The following PRELID2 variants were observed in gnomAD, a reference collection of about 807,000 sequenced individuals.
The protein encoded by PRELID2 is PRELI domain-containing protein 2.
Under a neutral mutation model 28.4 loss-of-function variants are expected in PRELID2, and 25 were observed. That is an observed-to-expected ratio of 0.88 (90% CI 0.64 to 1.23). The LOEUF (loss-of-function observed/expected upper bound fraction) is 1.23. Ranked by LOEUF, PRELID2 falls within the 50% of genes most tolerant of loss-of-function variation. PRELID2 has a pLI of 0.00. For missense variants in PRELID2, 201 were observed against 214.4 expected (o/e 0.94, Z 0.39); for synonymous variants, 76 against 71.6 (o/e 1.06, Z -0.31).
At chr5:145,392,521 C>T in the PRELID2 span, among the ~76,000 whole-genome samples, 1 of 152,232 alleles carries the variant, frequency 6.6e-6, no homozygotes, top group East Asian at 1.9e-4. Context: ...CACCTGGACA[C>T]AGAGAGCGTA....
chr5:145,456,628 A>T, the PRELID2 span, among the ~76,000 whole-genome samples: 3 of 152,298 alleles, frequency 2.0e-5, no homozygotes, highest in South Asian at 2.1e-4. Context: ...CTTGTTTATC[A>T]TATGTCTACC....
chr5:145,477,872 G>A (rs541585997), intron 1 of PRELID2, among the ~76,000 whole-genome samples: 2 of 152,146 alleles, frequency 1.3e-5, no homozygotes, highest in Admixed American at 6.6e-5. Flanking sequence ...AAGGAAAAGA[G>A]GAGGAAGAGG....
rs1285106487 is a variant in PRELID2, at chr5:145,539,707, TAATA to T, written n.71-66396_71-66393del. On this transcript the variant is annotated intron_variant and non_coding_transcript_variant, in intron 1 of 2. Transcript: ENST00000510259. The stretch of plus-strand genomic sequence containing the variant: ...TTTATAATACTGAATATCTAGTAAA[TAATA>T]AATAAATATCTCATAATTGTAATAT... 2.6e-5 allele frequency among the ~76,000 whole-genome samples: 4 copies of T among 151,834 alleles called. No individual in the cohort carries two copies. In the East Asian group the frequency reaches 7.7e-4, roughly 29 times the overall value.
the PRELID2 span, among the ~76,000 whole-genome samples, chr5:145,311,060 G>A: frequency 6.6e-6 from 1 of 152,062 alleles, no homozygotes; most frequent in Admixed American, 6.6e-5. Context: ...GTAAAATCGG[G>A]CCAGATGACA....
the PRELID2 span, among the ~76,000 whole-genome samples, chr5:145,324,597 CACTAAAAGAACATCACA>C: frequency 1.3e-5 from 2 of 152,084 alleles, no homozygotes; most frequent in African/African-American, 4.8e-5. Context: ...GTACTATGTA[CACTAAAAGAACATCACA>C]AAAAATAACA....
At chr5:145,648,579 C>A (rs1286697005) in intron 1 of PRELID2, among the ~76,000 whole-genome samples, 2 of 151,200 alleles carry the variant, frequency 1.3e-5, no homozygotes, top group African/African-American at 4.8e-5. Flanking sequence ...ATTAAGATTT[C>A]TTCTTAGCTC....
At chr5:145,386,122 T>TA in the PRELID2 span, among the ~76,000 whole-genome samples, 1 of 152,046 alleles carries the variant, frequency 6.6e-6, no homozygotes, top group Non-Finnish European at 1.5e-5. Context: ...TCAGGAAACT[T>TA]ACAATCATGG....
chr5:145,271,129 C>T, the PRELID2 span, among the ~76,000 whole-genome samples: 2 of 152,094 alleles, frequency 1.3e-5, no homozygotes, highest in African/African-American at 4.8e-5. Context: ...CACCTCCCAC[C>T]AGGTCTCTCC....
chr5:145,330,155 C>T, the PRELID2 span, among the ~76,000 whole-genome samples: 4 of 151,900 alleles, frequency 2.6e-5, no homozygotes, highest in East Asian at 1.9e-4. Flanking sequence ...CTTTTTGATG[C>T]ATTGCTGGAT....
chr5:145,652,204 A>G (rs1437547947), intron 1 of PRELID2, among the ~76,000 whole-genome samples: 1 of 152,210 alleles, frequency 6.6e-6, no homozygotes, highest in Non-Finnish European at 1.5e-5. Flanking sequence ...AGTTTAGAAA[A>G]AAAGAATAAA....
intron 5 of PRELID2, 75 bp from the exon 6 acceptor site, chr5:145,765,075 C>T: frequency 9.9e-7 from 1 of 1,011,598 alleles, no homozygotes; most frequent in South Asian, 1.6e-5. Flanking sequence ...ACAACCTTTT[C>T]CCTTCAAAGA....
the PRELID2 span, among the ~76,000 whole-genome samples, chr5:145,459,664 C>T: frequency 6.6e-6 from 1 of 151,958 alleles, no homozygotes; most frequent in Non-Finnish European, 1.5e-5. Context: ...AAATAATCTT[C>T]ATTCTGAAAT....
chr5:145,726,840 G>A (rs1581104125), intron 1 of PRELID2, among the ~76,000 whole-genome samples: 4 of 152,268 alleles, frequency 2.6e-5, no homozygotes, highest in Admixed American at 2.0e-4. Flanking sequence ...AACTGTGGGA[G>A]CTTGCTCTGC....
chr5:145,552,668 C>T (rs892988449), intron 1 of PRELID2, among the ~76,000 whole-genome samples: 6 of 152,042 alleles, frequency 3.9e-5, no homozygotes, highest in Admixed American at 2.6e-4. Flanking sequence ...GTTATTCCTG[C>T]CACCGTTCTT....
At position 145,820,030 on chromosome 5, in the gene PRELID2, AT is replaced by A. The variant is rs751718428; in HGVS notation, c.134-13del. 26 of 1,482,130 alleles carry A rather than the reference AT, an allele frequency of 1.8e-5. No individual in the cohort carries two copies. Among genetic ancestry groups the A allele is most frequent in the Non-Finnish European group, 2.1e-5 (23 of 1,076,090 alleles). 91.8% of individuals were successfully genotyped at this position (1,482,130 alleles called of 1,614,324 possible). The stretch of plus-strand genomic sequence containing the variant: ...CCCTGTTGATTCATCTAAAAAAGAA[AT>A]TTTTTTACACAAAAAAAAATTAAAG... On this transcript the variant is annotated splice_polypyrimidine_tract_variant and intron_variant, in intron 2 of 6. Coordinates refer to ENST00000683046, the MANE Select transcript of PRELID2 (RefSeq NM_205846.3).
At chr5:145,295,789 T>C in the PRELID2 span, among the ~76,000 whole-genome samples, 1 of 152,160 alleles carries the variant, frequency 6.6e-6, no homozygotes, top group South Asian at 2.1e-4. Flanking sequence ...CTTATCTACA[T>C]GTATTTATTA....
At chr5:145,466,685 G>C in the PRELID2 span, among the ~76,000 whole-genome samples, 1 of 152,048 alleles carries the variant, frequency 6.6e-6, no homozygotes, top group Non-Finnish European at 1.5e-5. Context: ...TGACAAGCTG[G>C]GACAAACATT....
At chr5:145,776,303 G>T (rs144284464) in intron 5 of PRELID2, among the ~76,000 whole-genome samples, 6 of 152,308 alleles carry the variant, frequency 3.9e-5, no homozygotes, top group African/African-American at 1.4e-4. Flanking sequence ...TGAGCTCTCA[G>T]ATCAACCGTT....
chr5:145,508,630 T>C (rs1752433704), intron 1 of PRELID2, among the ~76,000 whole-genome samples: 1 of 152,178 alleles, frequency 6.6e-6, no homozygotes, highest in South Asian at 2.1e-4. Context: ...GGGATCTAGA[T>C]ATCATAGGGC....
Sources: gnomAD v4.1 joint callset for allele counts (sites outside exome capture counted in the v4.1 genomes callset) on GRCh38, gnomAD v4.1.1 for gene constraint, MANE v1.5 for transcripts, NCBI Gene and HGNC (gene_info 2026-07-23, HGNC 2026-07-21) for gene names.